Variants in GRM5 observed in about 807,000 individuals in gnomAD.
The protein encoded by GRM5 is glutamate metabotropic receptor 5.
GRM5 carries 19 observed loss-of-function variants against 83.1 expected under a neutral mutation model. The observed-to-expected ratio is 0.23, with a 90% CI of 0.16 to 0.34. The LOEUF (loss-of-function observed/expected upper bound fraction) is 0.34, where lower values mean the gene tolerates loss of function less well. Ranked by LOEUF, GRM5 falls within the 10% of genes least tolerant of loss-of-function variation. The pLI, the probability that GRM5 is intolerant of heterozygous loss-of-function variation, is 1.00. For synonymous variants in GRM5, 675 were observed against 633.6 expected, an observed-to-expected ratio of 1.07 and a Z score of -0.98; for missense variants, 1,160 against 1,588.3, an observed-to-expected ratio of 0.73 and a Z score of 4.58.
At chr11:88,854,166 C>T (rs933873834) in intron 2 of GRM5, among the ~76,000 whole-genome samples, 1 of 151,172 alleles carries the variant, frequency 6.6e-6, no homozygotes, top group Admixed American at 6.6e-5. Context: ...GCATATTATT[C>T]ATTTTTGTAC....
chr11:88,940,730 G>T (rs1392469382), intron 2 of GRM5, among the ~76,000 whole-genome samples: 1 of 151,824 alleles, frequency 6.6e-6, no homozygotes, highest in African/African-American at 2.4e-5. Flanking sequence ...TTGATTAGTT[G>T]ATTTCCCGAT....
At chr11:88,556,875 T>G (rs1942641435) in intron 8 of GRM5, among the ~76,000 whole-genome samples, 1 of 152,098 alleles carries the variant, frequency 6.6e-6, no homozygotes, top group Admixed American at 6.6e-5. Flanking sequence ...CAGGGTCACT[T>G]GGACTGATTT....
intron 2 of GRM5, among the ~76,000 whole-genome samples, chr11:88,863,420 A>G (rs750063901): frequency 5.3e-5 from 8 of 152,168 alleles, no homozygotes; most frequent in Non-Finnish European, 1.2e-4. Context: ...ACCATGGAAT[A>G]TTATGCAGCT....
intron 4 of GRM5, among the ~76,000 whole-genome samples, chr11:88,606,217 G>A (rs1369736819): frequency 6.6e-6 from 1 of 152,234 alleles, no homozygotes; most frequent in Non-Finnish European, 1.5e-5. Context: ...AGATGCTTAA[G>A]CCATGTTAAG....
At chr11:88,587,626 C>G (rs1943344046) in intron 7 of GRM5, among the ~76,000 whole-genome samples, 1 of 152,082 alleles carries the variant, frequency 6.6e-6, no homozygotes, top group South Asian at 2.1e-4. Flanking sequence ...GAAGGTAACT[C>G]TCACCTTCCC....
At chr11:88,868,083 G>A (rs1028670967) in intron 2 of GRM5, among the ~76,000 whole-genome samples, 4 of 151,904 alleles carry the variant, frequency 2.6e-5, no homozygotes, top group African/African-American at 7.2e-5. Flanking sequence ...CCTTAGACAA[G>A]TTATTTAAAT....
intron 3 of GRM5, among the ~76,000 whole-genome samples, chr11:88,661,559 A>G (rs1259233514): frequency 6.6e-6 from 1 of 152,014 alleles, no homozygotes; most frequent in Non-Finnish European, 1.5e-5. Context: ...TTACTAATAG[A>G]TTTTAACAGA....
rs149736924 is a variant in GRM5, at chr11:88,653,321, G to A, written c.994C>T (p.Pro332Ser). The change falls in exon 4 of 10, where the codon CCC becomes TCC. Residue 332 changes from proline to serine, a missense_variant. This residue lies in a region of GRM5 where 132 missense variants were observed against 197.6 expected (regional missense o/e 0.67). Transcript: ENST00000305447. ...TAATCATCAAACCACTTGACATCGG[G>A]AGATTGGAGCTTGATTGTGATGCCA... The part of the protein sequence containing the change: ...VGGITIKLQS[P>S]DVKWFDDYYL... 5.6e-6 allele frequency: 9 copies of A among 1,612,812 alleles called. No individual in the cohort carries two copies. The highest frequency in any genetic ancestry group is 2.7e-5 in the African/African-American group (2 of 74,794).
At chr11:89,000,458 A>G (rs950588322) in intron 2 of GRM5, among the ~76,000 whole-genome samples, 4 of 152,140 alleles carry the variant, frequency 2.6e-5, no homozygotes, top group Non-Finnish European at 4.4e-5. Flanking sequence ...AAACAATTCA[A>G]TTCATAGCCT....
intron 6 of GRM5, among the ~76,000 whole-genome samples, chr11:88,591,284 C>T (rs571527806): frequency 2.0e-5 from 3 of 152,248 alleles, no homozygotes; most frequent in Middle Eastern, 3.4e-3. Context: ...TCTCTTTCTA[C>T]GAAAAATCTG....
intron 2 of GRM5, among the ~76,000 whole-genome samples, chr11:89,020,139 C>T (rs1940947541): frequency 6.6e-6 from 1 of 152,100 alleles, no homozygotes; most frequent in Non-Finnish European, 1.5e-5. Context: ...TTAATTTAAC[C>T]CACATAATTA....
chr11:88,669,967 G>T (rs1272011545), intron 3 of GRM5, among the ~76,000 whole-genome samples: 2 of 151,970 alleles, frequency 1.3e-5, no homozygotes, highest in Non-Finnish European at 2.9e-5. Flanking sequence ...AAATGTAAAA[G>T]TTCAAAAATA....
chr11:88,574,985 C>CTTTTTTTTTTTT (rs796257304), intron 7 of GRM5, among the ~76,000 whole-genome samples: 9 of 116,168 alleles, frequency 7.7e-5, no homozygotes, highest in African/African-American at 2.3e-4. Flanking sequence ...CTTTTCTTTT[C>CTTTTTTTTTTTT]TTTTTTTTTT....
At chr11:88,951,863 T>C (rs1396875449) in intron 2 of GRM5, among the ~76,000 whole-genome samples, 1 of 152,220 alleles carries the variant, frequency 6.6e-6, no homozygotes, top group Non-Finnish European at 1.5e-5. Flanking sequence ...TGTGTATTTA[T>C]ACATTATTAA....
intron 7 of GRM5, among the ~76,000 whole-genome samples, chr11:88,581,428 T>C (rs1473555839): frequency 6.6e-6 from 1 of 152,232 alleles, no homozygotes; most frequent in Non-Finnish European, 1.5e-5. Context: ...AATGAGTCAC[T>C]GGTGGAGTGT....
intron 3 of GRM5, among the ~76,000 whole-genome samples, chr11:88,681,404 G>C (rs1351424264): frequency 1.3e-5 from 2 of 151,248 alleles, no homozygotes; most frequent in Non-Finnish European, 2.9e-5. Context: ...TTTGCTCTTT[G>C]ATTTCTCTTG....
At chr11:88,643,940 CAG>C (rs1939369841) in intron 4 of GRM5, among the ~76,000 whole-genome samples, 1 of 152,162 alleles carries the variant, frequency 6.6e-6, no homozygotes, top group African/African-American at 2.4e-5. Flanking sequence ...ACATATTCAT[CAG>C]AGAGATTGTA....
At chr11:89,029,602 T>C (rs1437250623) in intron 2 of GRM5, among the ~76,000 whole-genome samples, 1 of 152,154 alleles carries the variant, frequency 6.6e-6, no homozygotes, top group Non-Finnish European at 1.5e-5. Context: ...AGCGTTGAGT[T>C]TATTGAGGCT....
At chr11:88,556,777 T>C (rs1425142020) in intron 8 of GRM5, among the ~76,000 whole-genome samples, 1 of 152,124 alleles carries the variant, frequency 6.6e-6, no homozygotes, top group Non-Finnish European at 1.5e-5. Flanking sequence ...TTAGAATGCA[T>C]GTCTTCGCTG....
Sources: allele counts gnomAD v4.1 joint callset (sites outside exome capture counted in the v4.1 genomes callset), GRCh38; gene constraint gnomAD v4.1.1; regional missense constraint gnomAD v4.1.1; transcripts MANE v1.5; gene names NCBI Gene and HGNC (gene_info 2026-07-23, HGNC 2026-07-21).